EPHA4: variants seen among roughly 807,000 people sequenced by gnomAD.
EPHA4 encodes EPH receptor A4.
EPHA4 carries 19 observed loss-of-function variants against 108.3 expected under a neutral mutation model. The ratio of observed to expected loss-of-function variants is 0.18; its 90% CI spans 0.12 to 0.26. EPHA4 has a LOEUF of 0.26. Among genes scored for constraint, EPHA4 ranks in the 10% least tolerant of loss-of-function variants. The pLI is 1.00. For synonymous variants in EPHA4, 449 were observed against 455.5 expected, an observed-to-expected ratio of 0.99 and a Z score of 0.18; for missense variants, 917 against 1,254.0, an observed-to-expected ratio of 0.73 and a Z score of 4.06.
chr2:221,485,009 A>G (rs1038885210), intron 4 of EPHA4, among the ~76,000 whole-genome samples: 2 of 152,186 alleles, frequency 1.3e-5, no homozygotes, highest in Admixed American at 1.3e-4. Context: ...GAAGCTGACC[A>G]GGGCTTGGTT....
At chr2:221,429,017 C>T (rs915068199) in intron 15 of EPHA4, among the ~76,000 whole-genome samples, 12 of 152,126 alleles carry the variant, frequency 7.9e-5, no homozygotes, top group South Asian at 4.1e-4. Context: ...TTAAATATTA[C>T]GGGAGAAAAT....
intron 1 of EPHA4, among the ~76,000 whole-genome samples, 180 bp from the exon 2 acceptor site, chr2:221,568,965 T>TA (rs1263020498): frequency 6.6e-6 from 1 of 152,220 alleles, no homozygotes; most frequent in Non-Finnish European, 1.5e-5. Flanking sequence ...TCCCCCTCTT[T>TA]AAATCTGCAG....
chr2:221,457,896 G>A lies in EPHA4; in HGVS notation c.1413C>T (p.Ile471=). ...WLEPDRPNGV[I]LEYEVKYYEK... is the part of the protein sequence containing the mutation. ...CATAATACTTGACTTCATATTCCAG[G>A]ATTACCCCATTGGGCCGATCTGGTT... The change falls in exon 6 of 18, where the codon ATC becomes ATT. Residue 471 remains isoleucine, a synonymous_variant. Coordinates refer to ENST00000281821, the MANE Select transcript of EPHA4 (RefSeq NM_004438.5). 6.2e-7 allele frequency: 1 copy of A among 1,613,772 alleles called. No individual in the cohort carries two copies. Among genetic ancestry groups the A allele is most frequent in the Non-Finnish European group, 8.5e-7 (1 of 1,179,766 alleles).
upstream of EPHA4, chr2:221,573,143 G>C (rs1425332159): frequency 6.6e-6 from 1 of 152,568 alleles, no homozygotes; most frequent in Non-Finnish European, 1.5e-5. This position sits in a 1 kb window ranked among gnomAD's most constrained non-coding sequence, Gnocchi z 4.5. Flanking sequence ...GCAGTCCCTG[G>C]AACCGGGCCT....
At chr2:221,460,571 C>T (rs1240693061) in intron 5 of EPHA4, among the ~76,000 whole-genome samples, 1 of 152,170 alleles carries the variant, frequency 6.6e-6, no homozygotes, top group Non-Finnish European at 1.5e-5. Context: ...ATGTGGAGAG[C>T]TTACCTTCTC....
chr2:221,461,427 AGAGCTCT>A (rs910908220), intron 5 of EPHA4, among the ~76,000 whole-genome samples: 2 of 148,154 alleles, frequency 1.3e-5, no homozygotes, highest in African/African-American at 4.9e-5. Flanking sequence ...TGGTTCAATA[AGAGCTCT>A]GACCAATCAA....
intron 3 of EPHA4, among the ~76,000 whole-genome samples, chr2:221,533,725 CAAAAAAAAAAA>C (rs144676444): frequency 1.6e-5 from 1 of 63,518 alleles, no homozygotes; most frequent in African/African-American, 6.2e-5. Flanking sequence ...TGACTAGTGT[CAAAAAAAAAAA>C]AAAAAAAAAA....
At chr2:221,550,418 G>GAGA (rs370058097) in intron 3 of EPHA4, among the ~76,000 whole-genome samples, 7,137 of 135,506 alleles carry the variant, frequency 0.053, 292 homozygotes, top group East Asian at 0.2. Flanking sequence ...TGAGGAAAGG[G>GAGA]GAGAGAGAGA....
chr2:221,438,165 C>T (rs1377701858), intron 11 of EPHA4, among the ~76,000 whole-genome samples: 1 of 151,642 alleles, frequency 6.6e-6, no homozygotes, highest in Non-Finnish European at 1.5e-5. Context: ...CCTTATTTCC[C>T]CCATTCCCCC....
chr2:221,455,483 G>GA (rs869282508), intron 8 of EPHA4, 64 bp downstream of exon 8: 11 of 1,305,018 alleles, frequency 8.4e-6, no homozygotes, highest in African/African-American at 5.8e-5. Context: ...GTGTGGAAGA[G>GA]AAAAAAACCA....
At chr2:221,528,385 A>G (rs1213363936) in intron 3 of EPHA4, among the ~76,000 whole-genome samples, 1 of 152,204 alleles carries the variant, frequency 6.6e-6, no homozygotes, top group Non-Finnish European at 1.5e-5. Flanking sequence ...CATCAGCAAC[A>G]GCAATAACAA....
At chr2:221,495,593 T>G (rs572870604) in intron 4 of EPHA4, among the ~76,000 whole-genome samples, 1 of 152,194 alleles carries the variant, frequency 6.6e-6, no homozygotes, top group Non-Finnish European at 1.5e-5. Flanking sequence ...CATAGAAACA[T>G]CTCAGCACAT....
At position 221,419,664 on chromosome 2, in the gene EPHA4, T is replaced by C. The variant is rs1282702834; in HGVS notation, c.*1708A>G. ...CACCTGAATGGATTTATATTTTAAA[T>C]TACTTCACCATTAAGGTGAAAATGC... On this transcript the variant is annotated 3_prime_UTR_variant, in exon 18 of 18. Coordinates refer to ENST00000281821, the MANE Select transcript of EPHA4 (RefSeq NM_004438.5). 2 of 152,568 alleles carry C rather than the reference T, an allele frequency of 1.3e-5. No individual in the cohort carries two copies. The highest frequency in any genetic ancestry group is 2.4e-5 in the African/African-American group (1 of 41,444). The allele number at this position is 152,568 out of a possible 1,614,324, so 9.5% of individuals were successfully genotyped here.
chr2:221,488,428 G>C (rs1692040199), intron 4 of EPHA4, among the ~76,000 whole-genome samples: 1 of 152,194 alleles, frequency 6.6e-6, no homozygotes, highest in African/African-American at 2.4e-5. Context: ...GGAATAAAAT[G>C]AGACATATGG....
At chr2:221,537,637 A>T (rs931174002) in intron 3 of EPHA4, among the ~76,000 whole-genome samples, 8 of 152,208 alleles carry the variant, frequency 5.3e-5, no homozygotes, top group African/African-American at 1.7e-4. Context: ...AAAAAATTAA[A>T]AATTTAGCAA....
At position 221,511,357 on chromosome 2, in the gene EPHA4, T is replaced by G. The variant is rs998313497; in HGVS notation, c.824-10185A>C. 7.3e-4 allele frequency among the ~76,000 whole-genome samples: 111 copies of G among 152,318 alleles called. 1 individual carries two copies. Among genetic ancestry groups the G allele is most frequent in the African/African-American group, 2.6e-3 (108 of 41,584 alleles). ...ATGCACCTATAACAATGGCTGAGTC[T>G]TGGCCAATCCCGGCAGCCATGCTTC... On this transcript the variant is annotated intron_variant, in intron 3 of 17. Coordinates refer to ENST00000281821, the MANE Select transcript of EPHA4 (RefSeq NM_004438.5).
chr2:221,455,571 A>T lies in EPHA4; in HGVS notation c.1691T>A (p.Ile564Asn). ...SGSVVLVVIL[I>N]AAFVISRRRS... ...CCTCCGGCTGATGACAAAAGCTGCA[A>T]TGAGAATTACCACCAGCACCACACT... Residue 564 changes from isoleucine (I) to asparagine (N), a missense_variant, in exon 8 of 18, where the codon ATT (isoleucine) becomes AAT (asparagine). Transcript: ENST00000281821. The T allele has an allele frequency of 6.2e-7, 1 of 1,613,954 alleles. No homozygotes were observed. Among genetic ancestry groups the T allele is most frequent in the Non-Finnish European group, 8.5e-7 (1 of 1,179,888 alleles).
At chr2:221,473,401 C>T (rs889817882) in intron 5 of EPHA4, among the ~76,000 whole-genome samples, 3 of 151,924 alleles carry the variant, frequency 2.0e-5, no homozygotes, top group African/African-American at 7.3e-5. Context: ...ACCCACATCA[C>T]AAAAATGCCA....
rs1553595985 is a variant in EPHA4, at chr2:221,566,969, G to GAAGAAGAAGAAGAAGAA, written c.159+1748_159+1749insTTCTTCTTCTTCTTCTT. ...GAGAAGGAGAAGGGGAAGAGGAAGA[G>GAAGAAGAAGAAGAAGAA]GAAGAAGAAGAAGAAGAAGAAGAAG... On this transcript the variant is annotated intron_variant, in intron 2 of 17. Coordinates refer to ENST00000281821, the MANE Select transcript of EPHA4 (RefSeq NM_004438.5). Among the ~76,000 whole-genome samples, 22 of 27,634 alleles carry GAAGAAGAAGAAGAAGAA rather than the reference G, an allele frequency of 8.0e-4. 6 individuals carry two copies. Among genetic ancestry groups the GAAGAAGAAGAAGAAGAA allele is most frequent in the Admixed American group, 2.4e-3 (5 of 2,120 alleles). The allele number at this position is 27,634 out of a possible 152,430, so 18.1% of individuals were successfully genotyped here.
Sources: allele counts gnomAD v4.1 joint callset (sites outside exome capture counted in the v4.1 genomes callset), GRCh38; gene constraint gnomAD v4.1.1; non-coding constraint Gnocchi (gnomAD v3.1); transcripts MANE v1.5; gene names NCBI Gene and HGNC (gene_info 2026-07-23, HGNC 2026-07-21).